BRF1: variants seen among roughly 807,000 people sequenced by gnomAD.
The protein encoded by BRF1 is transcription factor IIIB 90 kDa subunit.
A neutral mutation model predicts 81.7 loss-of-function variants in BRF1; 59 were observed. That is an observed-to-expected ratio of 0.72 (90% confidence interval 0.59 to 0.90). BRF1 has a LOEUF of 0.90. Among genes scored for constraint, BRF1 ranks in the 40% least tolerant of loss-of-function variants. BRF1 has a pLI of 0.00. For synonymous variants in BRF1, 491 were observed against 395.6 expected, an observed-to-expected ratio of 1.24 and a Z score of -2.86; for missense variants, 1,050 against 936.3, an observed-to-expected ratio of 1.12 and a Z score of -1.58.
intron 1 of BRF1, among the ~76,000 whole-genome samples, chr14:105,286,817 C>A (rs899097552): frequency 2.6e-5 from 4 of 152,244 alleles, no homozygotes; most frequent in Non-Finnish European, 4.4e-5. Flanking sequence ...CCCTAACACA[C>A]TGCAAGTCCA....
intron 1 of BRF1, among the ~76,000 whole-genome samples, chr14:105,293,617 C>A (rs587742046): frequency 1.2e-4 from 19 of 152,324 alleles, no homozygotes; most frequent in African/African-American, 4.6e-4. Context: ...CTCAGTGGAG[C>A]AGACGGCCTC....
chr14:105,300,307 TCGCGCCCAGACGGCGCAGAACCG>T (rs1348215775), intron 1 of BRF1, 116 bp downstream of exon 1: 15 of 982,944 alleles, frequency 1.5e-5, no homozygotes, highest in Non-Finnish European at 1.5e-5. Flanking sequence ...GGATCCACAC[TCGCGCCCAGACGGCGCAGAACCG>T]CGCGCCCCGA....
intron 3 of BRF1, among the ~76,000 whole-genome samples, chr14:105,262,943 TAA>T (rs1330581477): frequency 2.1e-5 from 3 of 143,142 alleles, no homozygotes; most frequent in Non-Finnish European, 3.1e-5. Flanking sequence ...CATCTCCATT[TAA>T]AAAAAAAAAA....
chr14:105,294,762 A>C (rs988364842), intron 1 of BRF1, among the ~76,000 whole-genome samples: 4 of 152,226 alleles, frequency 2.6e-5, no homozygotes, highest in Non-Finnish European at 5.9e-5. Flanking sequence ...AAAGGAGGCC[A>C]CTGTGGACCC....
chr14:105,251,595 C>T (rs951137462), intron 5 of BRF1, among the ~76,000 whole-genome samples: 6 of 152,156 alleles, frequency 3.9e-5, no homozygotes, highest in African/African-American at 4.8e-5. Context: ...GGGCATGGGC[C>T]GAGTGTATAG....
chr14:105,246,900 C>T, intron 5 of BRF1: 9 of 985,488 alleles, frequency 9.1e-6, no homozygotes, highest in Non-Finnish European at 1.1e-5. Context: ...CTGGCACCCC[C>T]GGAGACAGCT....
At chr14:105,313,223 G>A (rs959454271) in intron 1 of BRF1, among the ~76,000 whole-genome samples, 3 of 152,218 alleles carry the variant, frequency 2.0e-5, no homozygotes, top group Non-Finnish European at 4.4e-5. Flanking sequence ...CGCTCGCCAG[G>A]TCCAGCAGCG....
At chr14:105,278,701 T>C (rs1045558648) in intron 2 of BRF1, among the ~76,000 whole-genome samples, 9 of 149,374 alleles carry the variant, frequency 6.0e-5, no homozygotes, top group Admixed American at 4.0e-4. Context: ...AGCCCAGGAG[T>C]TGAAGACCAA....
Position 105,284,866 on chromosome 14 carries a change from T to G in BRF1, c.265+1430A>C, listed in dbSNP as rs587649977. Among the ~76,000 whole-genome samples, 11 of 152,312 alleles carry G rather than the reference T, an allele frequency of 7.2e-5. No individual in the cohort carries two copies. The highest frequency in any genetic ancestry group is 7.2e-4 in the Admixed American group (11 of 15,300). On this transcript the variant is annotated intron_variant, in intron 2 of 17. Coordinates refer to ENST00000547530, the MANE Select transcript of BRF1 (RefSeq NM_001519.4). This position sits in a 1 kb window ranked among gnomAD's most constrained non-coding sequence, Gnocchi z 4.0. ...ACGATCTTGTACCGAAAATCCTAAG[T>G]GATCCGCTAAAAAACTATTCAGCAT...
At chr14:105,253,590 G>A (rs961974517) in intron 4 of BRF1, among the ~76,000 whole-genome samples, 1 of 152,230 alleles carries the variant, frequency 6.6e-6, no homozygotes, top group Non-Finnish European at 1.5e-5. Context: ...CGCACACAAA[G>A]GGTCCTGTCT....
In BRF1 at chr14:105,217,783, C is replaced by T. The variant is rs754911544; in HGVS notation, c.1533G>A (p.Lys511=). The change falls in exon 15 of 18, where the codon AAG becomes AAA. Residue 511 remains lysine (K), a synonymous_variant. Coordinates refer to ENST00000547530, the MANE Select transcript of BRF1 (RefSeq NM_001519.4). ...YKEHKPKKSC[K]RREPIQASTA... Reference sequence around the variant, plus strand: ...TACTGGCCTGAATTGGCTCCCGTCGCTTGCAAGACTTCTTGGGCTTGAGGG... The same window carrying T: ...TACTGGCCTGAATTGGCTCCCGTCGTTTGCAAGACTTCTTGGGCTTGAGGG... The T allele has an allele frequency of 5.6e-6, 9 of 1,612,020 alleles. No individual in the cohort carries two copies. The African/African-American group carries it at 1.1e-4, about 19-fold the overall frequency.
intron 3 of BRF1, among the ~76,000 whole-genome samples, chr14:105,257,908 G>A (rs992032551): frequency 2.0e-5 from 3 of 152,146 alleles, no homozygotes; most frequent in South Asian, 2.1e-4. Flanking sequence ...TGGGTGGGCC[G>A]AGAGGAGGGT....
At chr14:105,250,555 G>C (rs2055545525) in intron 5 of BRF1, 1 of 1,614,006 alleles carries the variant, frequency 6.2e-7, no homozygotes, top group Admixed American at 1.7e-5. Flanking sequence ...TTGGGCAGGA[G>C]GGGATGACGG....
At chr14:105,218,206 C>T (rs933749936) in intron 14 of BRF1, among the ~76,000 whole-genome samples, 2 of 152,094 alleles carry the variant, frequency 1.3e-5, no homozygotes, top group Non-Finnish European at 2.9e-5. Context: ...TCCACCCCAG[C>T]ACCGCTGCCC....
intron 3 of BRF1, among the ~76,000 whole-genome samples, chr14:105,264,790 G>A (rs962115811): frequency 6.6e-5 from 10 of 151,004 alleles, no homozygotes; most frequent in African/African-American, 2.4e-4. Context: ...GCAGTGAGCT[G>A]TGACTGCACC....
At position 105,210,047 on chromosome 14, in the gene BRF1, C is replaced by T. The variant is rs116254029; in HGVS notation, c.*504G>A. 2.6e-3 allele frequency: 571 copies of T among 221,936 alleles called. 2 individuals are homozygous for T. Among genetic ancestry groups the T allele is most frequent in the African/African-American group, 0.012 (505 of 43,568 alleles). 13.7% of individuals were successfully genotyped at this position (221,936 alleles called of 1,614,324 possible). On this transcript the variant is annotated 3_prime_UTR_variant, in exon 18 of 18. Coordinates refer to ENST00000547530, the MANE Select transcript of BRF1 (RefSeq NM_001519.4). The surrounding 1 kb of genome is among the most constrained non-coding windows in gnomAD (Gnocchi z 4.7). Reference sequence around the variant, plus strand: ...AGTGCCAGATCCTCAGCTCCCACGGCTGCGCCGGACACCTGCAGGGCTCTG... The same window carrying T: ...AGTGCCAGATCCTCAGCTCCCACGGTTGCGCCGGACACCTGCAGGGCTCTG...
rs587683817 is a variant in BRF1, at chr14:105,220,064, C to G, written c.1377+5G>C. 1 of 1,612,302 alleles carries G rather than the reference C, an allele frequency of 6.2e-7. No individual in the cohort carries two copies. The highest frequency in any genetic ancestry group is 8.5e-7 in the Non-Finnish European group (1 of 1,180,002). On this transcript the variant is annotated splice_donor_5th_base_variant and intron_variant, in intron 12 of 17. Transcript: ENST00000547530. ...CCCCTCTTGGGAAGGGGTGCTGCCA[C>G]GTACCCTGTCAATCTCCAGGTCATC...
rs587676380 is a variant in BRF1 at position 105,311,494 on chromosome 14, A to G, written c.-162+3828T>C. Among the ~76,000 whole-genome samples the G allele has an allele frequency of 3.3e-5, 5 of 152,144 alleles. No homozygotes were observed. In the South Asian group the frequency reaches 1.0e-3, roughly 32 times the overall value. On this transcript the variant is annotated intron_variant, in intron 1 of 17. Coordinates refer to the BRF1 transcript ENST00000327359. ...GGTCTTGAACTCCTGAGGTCACGGG[A>G]TCTGTGCGCTTTGGCCTCCCAAAGT...
chr14:105,217,528 C>A lies in BRF1; in HGVS notation c.1772+16G>T, dbSNP rs762169797. On this transcript the variant is annotated intron_variant, in intron 15 of 17. Coordinates refer to ENST00000547530, the MANE Select transcript of BRF1 (RefSeq NM_001519.4). ...GGGCTGCTGCCCTAACCCAGCCACT[C>A]AGGACAGGATGGTACCTTTTCCCCA... 1.9e-6 allele frequency: 3 copies of A among 1,606,272 alleles called. No homozygotes were observed. The highest frequency in any genetic ancestry group is 2.6e-6 in the Non-Finnish European group (3 of 1,174,192).
Sources: gnomAD v4.1 joint callset for allele counts (sites outside exome capture counted in the v4.1 genomes callset) on GRCh38, gnomAD v4.1.1 for gene constraint, Gnocchi (gnomAD v3.1) non-coding constraint, MANE v1.5 for transcripts, NCBI Gene and HGNC (gene_info 2026-07-23, HGNC 2026-07-21) for gene names.